Variants in APBA1 observed in about 807,000 individuals in gnomAD.
APBA1 encodes the protein amyloid beta precursor protein binding family A member 1.
APBA1 carries 55 observed loss-of-function variants against 86.6 expected under a neutral mutation model. That is an observed-to-expected ratio of 0.64 (90% CI 0.51 to 0.80). The LOEUF is 0.80. Ranked by LOEUF, APBA1 falls within the 30% of genes least tolerant of loss-of-function variation. APBA1 has a pLI of 0.00. For synonymous variants in APBA1, 511 were observed against 493.9 expected (o/e 1.03, Z -0.46); for missense variants, 1,090 against 1,183.0 (o/e 0.92, Z 1.15).
intron 9 of APBA1, among the ~76,000 whole-genome samples, chr9:69,451,521 G>A (rs771756652): frequency 2.0e-5 from 3 of 152,026 alleles, no homozygotes; most frequent in Admixed American, 6.6e-5. Flanking sequence ...TAGCCAAACC[G>A]TATTTCCTCA....
intron 2 of APBA1, among the ~76,000 whole-genome samples, 177 bp downstream of exon 2, chr9:69,515,834 C>T (rs948219039): frequency 6.6e-6 from 1 of 152,110 alleles, no homozygotes; most frequent in African/African-American, 2.4e-5. Flanking sequence ...AATTCTCTCC[C>T]GCTGGCGTTT....
intron 1 of APBA1, among the ~76,000 whole-genome samples, chr9:69,652,490 C>G (rs1439393930): frequency 6.6e-6 from 1 of 152,110 alleles, no homozygotes; most frequent in East Asian, 1.9e-4. Context: ...CCTGTCTAAG[C>G]TGGAGGAAGT....
At chr9:69,466,555 C>T (rs1193969435) in intron 5 of APBA1, among the ~76,000 whole-genome samples, 1 of 152,156 alleles carries the variant, frequency 6.6e-6, no homozygotes, top group Non-Finnish European at 1.5e-5. Context: ...CTGTCCTCTC[C>T]TTGGGCACAC....
At chr9:69,581,091 C>CA (rs1323158266) in intron 1 of APBA1, among the ~76,000 whole-genome samples, 2 of 152,138 alleles carry the variant, frequency 1.3e-5, no homozygotes, top group Non-Finnish European at 2.9e-5. Context: ...CAAACGGCGT[C>CA]ATCTCCAGAC....
intron 1 of APBA1, among the ~76,000 whole-genome samples, chr9:69,636,014 G>C (rs1564098446): frequency 6.6e-6 from 1 of 152,196 alleles, no homozygotes; most frequent in African/African-American, 2.4e-5. Flanking sequence ...CTACCCATAT[G>C]ATGGCAGATA....
intron 1 of APBA1, among the ~76,000 whole-genome samples, chr9:69,668,069 C>A (rs1437731656): frequency 1.3e-5 from 2 of 152,116 alleles, no homozygotes; most frequent in African/African-American, 4.8e-5. Context: ...CTTTCTCTTT[C>A]CCCTCCAACA....
intron 10 of APBA1, among the ~76,000 whole-genome samples, chr9:69,445,947 T>G (rs907556701): frequency 3.9e-5 from 6 of 152,140 alleles, no homozygotes; most frequent in African/African-American, 4.8e-5. Context: ...AGACCTGCAT[T>G]CTAACAAGAT....
At chr9:69,531,768 G>C (rs1664705856) in intron 1 of APBA1, among the ~76,000 whole-genome samples, 1 of 152,190 alleles carries the variant, frequency 6.6e-6, no homozygotes, top group South Asian at 2.1e-4. Flanking sequence ...CTTGGAGGAG[G>C]AGTTGGAAGA....
chr9:69,637,057 T>C (rs920199160), intron 1 of APBA1, among the ~76,000 whole-genome samples: 1 of 152,134 alleles, frequency 6.6e-6, no homozygotes, highest in Non-Finnish European at 1.5e-5. Flanking sequence ...TGAAATCCTG[T>C]CATCTGCAAC....
chr9:69,602,426 C>T (rs567891847), intron 1 of APBA1, among the ~76,000 whole-genome samples: 1 of 152,124 alleles, frequency 6.6e-6, no homozygotes, highest in Admixed American at 6.5e-5. Context: ...AAACAATTAG[C>T]TGGGCATGGT....
chr9:69,521,537 G>A (rs1480125806), intron 1 of APBA1, among the ~76,000 whole-genome samples: 2 of 152,086 alleles, frequency 1.3e-5, no homozygotes, highest in South Asian at 4.2e-4. Flanking sequence ...TAGTGCACTG[G>A]GTCGGGGGTC....
chr9:69,498,035 T>A (rs1425545664), intron 2 of APBA1, among the ~76,000 whole-genome samples: 1 of 152,026 alleles, frequency 6.6e-6, no homozygotes, highest in African/African-American at 2.4e-5. Flanking sequence ...CATCTCCACC[T>A]CCTGGTATTC....
intron 1 of APBA1, among the ~76,000 whole-genome samples, chr9:69,527,246 T>C (rs1836358166): frequency 6.6e-6 from 1 of 152,042 alleles, no homozygotes; most frequent in Non-Finnish European, 1.5e-5. Flanking sequence ...TAAAAAATTG[T>C]GAAAAAAATG....
chr9:69,506,251 C>A (rs907838761), intron 2 of APBA1, among the ~76,000 whole-genome samples: 1 of 151,580 alleles, frequency 6.6e-6, no homozygotes, highest in African/African-American at 2.4e-5. Flanking sequence ...CATTTCCTCA[C>A]TTGGGAAGTG....
chr9:69,458,456 G>C (rs1835136579), intron 5 of APBA1, among the ~76,000 whole-genome samples: 1 of 152,168 alleles, frequency 6.6e-6, no homozygotes, highest in Admixed American at 6.5e-5. Flanking sequence ...AAATAACCAA[G>C]TTTTGGTTCT....
intron 1 of APBA1, among the ~76,000 whole-genome samples, chr9:69,566,691 T>C (rs1407514582): frequency 6.6e-6 from 1 of 152,036 alleles, no homozygotes; most frequent in African/African-American, 2.4e-5. Flanking sequence ...AAGCTCATTC[T>C]CTCCTCAGAG....
chr9:69,595,395 G>A (rs1179273835), intron 1 of APBA1, among the ~76,000 whole-genome samples: 3 of 152,116 alleles, frequency 2.0e-5, no homozygotes, highest in African/African-American at 7.2e-5. Context: ...CTTATTAATG[G>A]AATTGTAGTT....
At chr9:69,665,476 G>A (rs1344395324) in intron 1 of APBA1, among the ~76,000 whole-genome samples, 4 of 152,156 alleles carry the variant, frequency 2.6e-5, no homozygotes, top group African/African-American at 7.2e-5. Context: ...AGGTAAACGA[G>A]CTTTACCCTC....
chr9:69,489,187 A>T (rs1327959911), intron 2 of APBA1, among the ~76,000 whole-genome samples: 1 of 152,148 alleles, frequency 6.6e-6, no homozygotes, highest in Non-Finnish European at 1.5e-5. Flanking sequence ...CCTAAGCCAA[A>T]AGGACAAAGC....
Sources: gnomAD v4.1 joint callset for allele counts (sites outside exome capture counted in the v4.1 genomes callset) on GRCh38, gnomAD v4.1.1 for gene constraint, MANE v1.5 for transcripts, NCBI Gene and HGNC (gene_info 2026-07-23, HGNC 2026-07-21) for gene names.